PSEN2: variants seen among roughly 807,000 people sequenced by gnomAD.
PSEN2 encodes presenilin 2, also known as presenilin-2.
Under a neutral mutation model 49.1 loss-of-function variants are expected in PSEN2, and 32 were observed. That is an observed-to-expected ratio of 0.65 (90% CI 0.49 to 0.88). PSEN2 has a LOEUF of 0.88. Among genes scored for constraint, PSEN2 ranks in the 40% least tolerant of loss-of-function variants. The pLI is 0.00. For synonymous variants in PSEN2, 255 were observed against 244.0 expected (o/e 1.05, Z -0.42); for missense variants, 522 against 586.9 (o/e 0.89, Z 1.14).
rs757955974 is a variant in PSEN2 at position 226,888,994 on chromosome 1, C to T, written c.732C>T (p.Ile244=). Residue 244 remains isoleucine, a synonymous_variant, in exon 8 of 13, where the codon ATC becomes ATT. Transcript: ENST00000366783. ...MISALMALVF[I]KYLPEWSAWV... The stretch of plus-strand genomic sequence containing the variant: ...GTGCGCTCATGGCCCTAGTGTTCAT[C>T]AAGTACCTCCCAGAGTGGTCCGCGT... The T allele has an allele frequency of 1.9e-6, 3 of 1,614,168 alleles. No individual in the cohort carries two copies. Among genetic ancestry groups the T allele is most frequent in the East Asian group, 2.2e-5 (1 of 44,886 alleles).
At position 226,888,825 on chromosome 1, in the gene PSEN2, G is replaced by T. The variant is rs1456846887; in HGVS notation, c.567-4G>T. The T allele has an allele frequency of 6.2e-7, 1 of 1,613,902 alleles. No homozygotes were observed. The highest frequency in any genetic ancestry group is 8.5e-7 in the Non-Finnish European group (1 of 1,179,774). The stretch of plus-strand genomic sequence containing the variant: ...CAGTCACAGGCTCCACCTTGGTCCT[G>T]CAGGGAAGTGCTCAAGACCTACAAT... On this transcript the variant is annotated splice_region_variant and splice_polypyrimidine_tract_variant and intron_variant, in intron 7 of 12. Transcript: ENST00000366783.
chr1:226,881,931 C>T lies in PSEN2; in HGVS notation c.24C>T (p.Asp8=). 1 of 1,614,230 alleles carries T rather than the reference C, an allele frequency of 6.2e-7. No homozygotes were observed. Among genetic ancestry groups the T allele is most frequent in the East Asian group, 2.2e-5 (1 of 44,896 alleles). Residue 8 remains aspartate (D), a synonymous_variant, in exon 4 of 13, where the codon GAC becomes GAT. Coordinates refer to ENST00000366783, the MANE Select transcript of PSEN2 (RefSeq NM_000447.3). ...CTATGCTCACATTCATGGCCTCTGA[C>T]AGCGAGGAAGAAGTGTGTGATGAGC... The part of the protein sequence containing the change: MLTFMAS[D]SEEEVCDERT...
intron 3 of PSEN2, chr1:226,880,623 C>T (rs752249936): frequency 6.2e-7 from 1 of 1,611,408 alleles, no homozygotes; most frequent in Non-Finnish European, 8.5e-7. Flanking sequence ...ACAGCGATAA[C>T]TCAGCCTCTG....
At chr1:226,878,556 A>G (rs938862272) in intron 3 of PSEN2, among the ~76,000 whole-genome samples, 3 of 152,102 alleles carry the variant, frequency 2.0e-5, no homozygotes, top group African/African-American at 7.2e-5. Context: ...AAGAAACACA[A>G]CATCCTCTGA....
At position 226,885,623 on chromosome 1, in the gene PSEN2, G is replaced by C; in HGVS notation, c.442G>C (p.Val148Leu). 1 of 1,613,132 alleles carries C rather than the reference G, an allele frequency of 6.2e-7. No homozygotes were observed. Reference protein sequence around the residue: ...SVLNTLIMISVIVVMTIFLVV... With the variant: ...SVLNTLIMISLIVVMTIFLVV... ...GCTGAACACCCTCATCATGATCAGCGTCATCGTGGTTATGACCATCTTCTT... is the reference window on the plus strand; with the variant it reads ...GCTGAACACCCTCATCATGATCAGCCTCATCGTGGTTATGACCATCTTCTT... Residue 148 changes from valine to leucine, a missense_variant, in exon 6 of 13, where the codon GTC becomes CTC. By Grantham distance (32) the Val-to-Leu change is conservative (BLOSUM62 1). Coordinates refer to ENST00000366783, the MANE Select transcript of PSEN2 (RefSeq NM_000447.3).
intron 11 of PSEN2, among the ~76,000 whole-genome samples, chr1:226,892,325 T>C (rs1459537918): frequency 6.6e-6 from 1 of 152,116 alleles, no homozygotes; most frequent in Non-Finnish European, 1.5e-5. Flanking sequence ...TGGGGAGCAT[T>C]TCCTGACAGA....
chr1:226,889,957 G>A (rs1661629558), intron 8 of PSEN2, 78 bp from the exon 9 acceptor site: 1 of 1,138,794 alleles, frequency 8.8e-7, no homozygotes, highest in Admixed American at 1.7e-5. Context: ...TCCACCCGGG[G>A]CTCCTGTGCT....
chr1:226,900,583 T>C (rs1294157496), downstream of PSEN2, among the ~76,000 whole-genome samples: 1 of 152,100 alleles, frequency 6.6e-6, no homozygotes, highest in East Asian at 1.9e-4. Flanking sequence ...AGAAAGGTGT[T>C]GTGAGGGACC....
intron 12 of PSEN2, among the ~76,000 whole-genome samples, chr1:226,894,745 T>C (rs1662013146): frequency 6.6e-6 from 1 of 152,222 alleles, no homozygotes; most frequent in Non-Finnish European, 1.5e-5. Context: ...GCGCTTGGCA[T>C]CTGCCCCTTA....
Position 226,887,210 on chromosome 1 carries a change from C to T in PSEN2, c.499-881C>T, listed in dbSNP as rs185312343. On this transcript the variant is annotated intron_variant, in intron 6 of 12. Transcript: ENST00000366783. ...TAGTAGGGCTTCCTTGGAGGTTCCACGATACAGGCAGATGGTGGTGGCCCG... is the reference window on the plus strand; with the variant it reads ...TAGTAGGGCTTCCTTGGAGGTTCCATGATACAGGCAGATGGTGGTGGCCCG... Among the ~76,000 whole-genome samples the T allele has an allele frequency of 2.4e-3, 361 of 152,238 alleles. 2 individuals carry two copies. The highest frequency in any genetic ancestry group is 8.1e-3 in the African/African-American group (338 of 41,532).
rs1339822609 is a variant in PSEN2, at chr1:226,883,912, G to A, written c.349G>A (p.Gly117Arg). The change falls in exon 5 of 13, where the codon GGA (glycine) becomes AGA (arginine). Residue 117 changes from glycine to arginine, a missense_variant. Gly to Arg is a moderately radical substitution (Grantham distance 125). Coordinates refer to ENST00000366783, the MANE Select transcript of PSEN2 (RefSeq NM_000447.3). ...KSVRFYTEKN[G>R]QLIYTPFTED... ...TGTGCGCTTCTACACAGAGAAGAATGGACAGCTGTGAGTTGGGGGGCTGGG... is the reference window on the plus strand; with the variant it reads ...TGTGCGCTTCTACACAGAGAAGAATAGACAGCTGTGAGTTGGGGGGCTGGG... The A allele has an allele frequency of 4.3e-6, 7 of 1,611,414 alleles. No individual in the cohort carries two copies. Among genetic ancestry groups the A allele is most frequent in the Non-Finnish European group, 5.9e-6 (7 of 1,179,044 alleles).
At chr1:226,880,507 C>G in intron 3 of PSEN2, 1 of 1,524,496 alleles carries the variant, frequency 6.6e-7, no homozygotes, top group Non-Finnish European at 8.8e-7. Context: ...GGACAGCGAT[C>G]ACTCAGCCTC....
chr1:226,892,868 A>G lies in PSEN2; in HGVS notation c.1072+1024A>G, dbSNP rs76420763. On this transcript the variant is annotated intron_variant, in intron 11 of 12. Coordinates refer to ENST00000366783, the MANE Select transcript of PSEN2 (RefSeq NM_000447.3). ...GGCTCCCATGACCCCCTTAGGTTCA[A>G]TAACTTGCTAGAATGACTCACAGAA... is the stretch of plus-strand genomic sequence containing the variant. Among the ~76,000 whole-genome samples, 624 of 152,342 alleles carry G rather than the reference A, an allele frequency of 4.1e-3. 2 individuals carry two copies. The highest frequency in any genetic ancestry group is 0.014 in the African/African-American group (581 of 41,584).
chr1:226,891,266 C>T lies in PSEN2; in HGVS notation c.887-12C>T, dbSNP rs761384293. ...GCACCGCCTGAGATGTGAACCTTTT[C>T]TCCTCCCCCAGCTGCCATGGTGTGG... On this transcript the variant is annotated splice_polypyrimidine_tract_variant and intron_variant, in intron 9 of 12. Transcript: ENST00000366783. The T allele has an allele frequency of 6.2e-7, 1 of 1,612,934 alleles. No homozygotes were observed. Among genetic ancestry groups the T allele is most frequent in the Non-Finnish European group, 8.5e-7 (1 of 1,179,602 alleles).
intron 4 of PSEN2, among the ~76,000 whole-genome samples, chr1:226,883,037 AAC>A (rs1323912544): frequency 6.6e-6 from 1 of 152,180 alleles, no homozygotes; most frequent in Non-Finnish European, 1.5e-5. Flanking sequence ...ACAGTTCCAA[AAC>A]ACAAATTCTT....
intron 7 of PSEN2, 38 bp from the exon 8 acceptor site, chr1:226,888,791 A>G (rs761306181): frequency 8.9e-6 from 14 of 1,570,934 alleles, no homozygotes; most frequent in Non-Finnish European, 1.2e-5. Flanking sequence ...TAATGCCTCC[A>G]CTGAGTCCCA....
rs1427785057 is a variant in PSEN2 at position 226,871,302 on chromosome 1, G to C, written c.-309G>C. ...AGGAGACAGCCAGAAGCAAGCTTTT[G>C]GAGCTGAAGGAACCTGAGACAGAAG... On this transcript the variant is annotated 5_prime_UTR_variant, in exon 2 of 13. Transcript: ENST00000366783. 6.6e-6 allele frequency: 1 copy of C among 152,232 alleles called. No individual in the cohort carries two copies. The highest frequency in any genetic ancestry group is 1.5e-5 in the Non-Finnish European group (1 of 68,084). 9.4% of individuals were successfully genotyped at this position (152,232 alleles called of 1,614,324 possible). A position where few individuals can be genotyped will look rare whatever the true frequency, so the allele number is the denominator to read the frequency against.
At chr1:226,891,050 C>T in intron 9 of PSEN2, 1 of 576,956 alleles carries the variant, frequency 1.7e-6, no homozygotes, top group Middle Eastern at 4.7e-4. Flanking sequence ...AGACCTGGTT[C>T]TTATGCTTTA....
chr1:226,891,329 G>C lies in PSEN2; in HGVS notation c.938G>C (p.Gly313Ala). 2 of 1,613,856 alleles carry C rather than the reference G, an allele frequency of 1.2e-6. No homozygotes were observed. The highest frequency in any genetic ancestry group is 1.7e-6 in the Non-Finnish European group (2 of 1,179,928). ...GCGAAGCTGGACCCCTCCTCTCAGG[G>C]TGCCCTCCAGCTCCCCTACGACCCG... ...GMAKLDPSSQ[G>A]ALQLPYDPEM... is the part of the protein sequence containing the mutation. The change falls in exon 10 of 13, where the codon GGT (glycine) becomes GCT (alanine). Residue 313 changes from glycine (G) to alanine (A), a missense_variant. By Grantham distance (60) the Gly-to-Ala change is moderately conservative. Transcript: ENST00000366783.
Sources: allele counts gnomAD v4.1 joint callset (sites outside exome capture counted in the v4.1 genomes callset), GRCh38; gene constraint gnomAD v4.1.1; transcripts MANE v1.5; gene names NCBI Gene and HGNC (gene_info 2026-07-23, HGNC 2026-07-21).